Variants in KIF5B observed in about 807,000 individuals in gnomAD.
KIF5B encodes the protein kinesin family member 5B.
Under a neutral mutation model 132.8 loss-of-function variants are expected in KIF5B, and 49 were observed. The observed-to-expected ratio is 0.37, with a 90% confidence interval of 0.29 to 0.47. The LOEUF (loss-of-function observed/expected upper bound fraction) is 0.47, where lower values mean the gene tolerates loss of function less well. Among genes scored for constraint, KIF5B ranks in the 20% least tolerant of loss-of-function variants. The pLI, the probability that KIF5B is intolerant of heterozygous loss-of-function variation, is 1.00. For missense variants in KIF5B, 780 were observed against 1,144.0 expected (o/e 0.68, Z 4.59); for synonymous variants, 355 against 369.4 (o/e 0.96, Z 0.45).
At chr10:32,012,096 A>C (rs555767285) in intron 25 of KIF5B, among the ~76,000 whole-genome samples, 69 of 152,332 alleles carry the variant, frequency 4.5e-4, no homozygotes, top group Admixed American at 1.3e-3. Flanking sequence ...GTCATGTAAA[A>C]CTGGGAACTA....
intron 2 of KIF5B, among the ~76,000 whole-genome samples, chr10:32,040,797 G>T (rs1029414751): frequency 1.3e-5 from 2 of 151,954 alleles, no homozygotes; most frequent in Admixed American, 6.6e-5. Flanking sequence ...TTCAAGCCTG[G>T]TCAGCATGGT....
Position 32,035,629 on chromosome 10 carries a change from G to A in KIF5B, c.855C>T (p.Ile285=), listed in dbSNP as rs755754639. 7 of 1,612,534 alleles carry A rather than the reference G, an allele frequency of 4.3e-6. No homozygotes were observed. Among genetic ancestry groups the A allele is most frequent in the Non-Finnish European group, 5.9e-6 (7 of 1,179,200 alleles). The change falls in exon 10 of 26, where the codon ATC becomes ATT. Residue 285 remains isoleucine (I), a synonymous_variant. Coordinates refer to ENST00000302418, the MANE Select transcript of KIF5B (RefSeq NM_004521.3). ...AGTTGCCACCTAATGAATCTTGAAG[G>A]ATTCTTGTCATTTTACTATCTCGAT... ...VPYRDSKMTR[I]LQDSLGGNCR...
rs917775759 is a variant in KIF5B, at chr10:32,022,759, GAC to G, written c.1914+87_1914+88del. ...AAAAAACAACTAAATTTCACCTATA[GAC>G]ACACATTTTTCTGAAAACTTGTATA... On this transcript the variant is annotated intron_variant, in intron 16 of 25. Transcript: ENST00000302418. 18 of 925,598 alleles carry G rather than the reference GAC, an allele frequency of 1.9e-5. No homozygotes were observed. The African/African-American group carries it at 2.3e-4, about 12-fold the overall frequency. 57.3% of individuals were successfully genotyped at this position (925,598 alleles called of 1,614,324 possible).
At position 32,032,784 on chromosome 10, in the gene KIF5B, T is replaced by C; in HGVS notation, c.1306-10A>G. ...GGTTAATTTCTTCATCCTAGAATTG[T>C]GAAGTATCCGGTTAACCAGTAGCTA... On this transcript the variant is annotated splice_polypyrimidine_tract_variant and intron_variant, in intron 12 of 25. Coordinates refer to ENST00000302418, the MANE Select transcript of KIF5B (RefSeq NM_004521.3). The C allele has an allele frequency of 6.2e-7, 1 of 1,611,980 alleles. No homozygotes were observed. The highest frequency in any genetic ancestry group is 8.5e-7 in the Non-Finnish European group (1 of 1,178,026).
chr10:32,043,985 A>G (rs1414634308), intron 2 of KIF5B, among the ~76,000 whole-genome samples: 1 of 152,164 alleles, frequency 6.6e-6, no homozygotes, highest in Admixed American at 6.5e-5. Flanking sequence ...GATTGTCCCA[A>G]GTACAACCTA....
At chr10:32,052,722 A>C (rs1231838515) in intron 1 of KIF5B, among the ~76,000 whole-genome samples, 1 of 152,232 alleles carries the variant, frequency 6.6e-6, no homozygotes, top group Non-Finnish European at 1.5e-5. Flanking sequence ...TCTCTAATTT[A>C]AAGCAAATAG....
intron 15 of KIF5B, 131 bp downstream of exon 15, chr10:32,028,297 T>C (rs1169376917): frequency 4.4e-6 from 3 of 677,936 alleles, no homozygotes; most frequent in Non-Finnish European, 7.2e-6. Context: ...ATGCGGTTAA[T>C]AACATCTACT....
chr10:32,020,541 C>T (rs895406124), intron 19 of KIF5B, among the ~76,000 whole-genome samples: 3 of 152,066 alleles, frequency 2.0e-5, no homozygotes, highest in Non-Finnish European at 4.4e-5. Flanking sequence ...GTGCCACAGC[C>T]TCCTGGGTCA....
intron 2 of KIF5B, among the ~76,000 whole-genome samples, chr10:32,043,571 C>A (rs1223273043): frequency 6.6e-6 from 1 of 152,164 alleles, no homozygotes; most frequent in South Asian, 2.1e-4. Context: ...GTGGAAAAAA[C>A]AGGAAATCTA....
At chr10:32,054,280 T>A (rs375005460) in intron 1 of KIF5B, among the ~76,000 whole-genome samples, 89 of 152,308 alleles carry the variant, frequency 5.8e-4, no homozygotes, top group African/African-American at 2.1e-3. Context: ...AAATATACCA[T>A]CCCAAAGGAA....
Position 32,015,646 on chromosome 10 carries a change from A to G in KIF5B, c.2775T>C (p.Arg925=), listed in dbSNP as rs745764054. The G allele has an allele frequency of 6.2e-7, 1 of 1,612,462 alleles. No individual in the cohort carries two copies. Among genetic ancestry groups the G allele is most frequent in the Non-Finnish European group, 8.5e-7 (1 of 1,179,200 alleles). The change falls in exon 25 of 26, where the codon CGT becomes CGC. Residue 925 remains arginine, a synonymous_variant. Transcript: ENST00000302418. The part of the protein sequence containing the change: ...GHSAQIAKPI[R]PGQHPAASPT... ...GAGAAGCTGCTGGATGTTGCCCGGG[A>G]CGAATAGGTTTAGCTAATATGAAAA...
intron 20 of KIF5B, among the ~76,000 whole-genome samples, chr10:32,018,986 G>A (rs1439463935): frequency 6.8e-6 from 1 of 147,058 alleles, no homozygotes; most frequent in African/African-American, 2.5e-5. Flanking sequence ...GTGAGCCACT[G>A]CAGCTTTGCA....
chr10:32,027,584 T>C (rs1358470811), intron 15 of KIF5B, among the ~76,000 whole-genome samples: 1 of 151,894 alleles, frequency 6.6e-6, no homozygotes, highest in Non-Finnish European at 1.5e-5. Context: ...CACAAGCCCA[T>C]TCATTATAAA....
At position 32,034,045 on chromosome 10, in the gene KIF5B, T is replaced by C; in HGVS notation, c.1112-7A>G. The C allele has an allele frequency of 2.6e-6, 4 of 1,524,532 alleles. No individual in the cohort carries two copies. The highest frequency in any genetic ancestry group is 2.6e-5 in the South Asian group (2 of 77,264). The allele number at this position is 1,524,532 out of a possible 1,614,324, so 94.4% of individuals were successfully genotyped here. A position where few individuals can be genotyped will look rare whatever the true frequency, so the allele number is the denominator to read the frequency against. The stretch of plus-strand genomic sequence containing the variant: ...TCAATAGGCACCGTCTCCCCTAAAA[T>C]AAGAAAATAAAGTGGTTAATAAAAA... On this transcript the variant is annotated splice_region_variant and splice_polypyrimidine_tract_variant and intron_variant, in intron 11 of 25. Transcript: ENST00000302418.
intron 25 of KIF5B, among the ~76,000 whole-genome samples, chr10:32,012,220 C>G (rs1175305050): frequency 1.3e-5 from 2 of 152,182 alleles, no homozygotes; most frequent in African/African-American, 4.8e-5. Flanking sequence ...CACCTGTAAT[C>G]TGAGCACTTT....
chr10:32,046,639 A>G (rs1841613858), intron 2 of KIF5B, among the ~76,000 whole-genome samples: 1 of 152,028 alleles, frequency 6.6e-6, no homozygotes, highest in Non-Finnish European at 1.5e-5. Context: ...GCTGGTCTCA[A>G]ACTCCTGGCC....
rs761145619 is a variant in KIF5B, at chr10:32,034,811, A to G, written c.990T>C (p.Cys330=). The G allele has an allele frequency of 3.1e-6, 5 of 1,600,036 alleles. No homozygotes were observed. The South Asian group carries it at 5.7e-5, about 18-fold the overall frequency. The change falls in exon 11 of 26, where the codon TGT becomes TGC. Residue 330 remains cysteine, a synonymous_variant. Transcript: ENST00000302418. ...GTTCTGCAGTTAACTCCACATTGACACAAACTGTGTTCTTAATTGTTTTGG... is the reference window on the plus strand; with the variant it reads ...GTTCTGCAGTTAACTCCACATTGACGCAAACTGTGTTCTTAATTGTTTTGG... The part of the protein sequence containing the change: ...QRAKTIKNTV[C]VNVELTAEQW...
Position 32,020,875 on chromosome 10 carries a change from A to G in KIF5B, c.2204+147T>C, listed in dbSNP as rs1034503075. The G allele has an allele frequency of 9.2e-6, 5 of 544,658 alleles. No homozygotes were observed. In the Admixed American group the frequency reaches 1.4e-4, roughly 16 times the overall value. 33.7% of individuals were successfully genotyped at this position (544,658 alleles called of 1,614,324 possible). A position where few individuals can be genotyped will look rare whatever the true frequency, so the allele number is the denominator to read the frequency against. On this transcript the variant is annotated intron_variant, in intron 19 of 25. Coordinates refer to ENST00000302418, the MANE Select transcript of KIF5B (RefSeq NM_004521.3). ...GCCTCAAAAATTTCACCTGGAATTT[A>G]GAAGTTTTACTCATAAATGAGAAAA...
At chr10:32,018,861 G>A (rs1841218373) in intron 20 of KIF5B, among the ~76,000 whole-genome samples, 1 of 151,844 alleles carries the variant, frequency 6.6e-6, no homozygotes, top group Non-Finnish European at 1.5e-5. Context: ...AATCAGCCCT[G>A]TCTAAAAAAA....
Sources: allele counts gnomAD v4.1 joint callset (sites outside exome capture counted in the v4.1 genomes callset), GRCh38; gene constraint gnomAD v4.1.1; transcripts MANE v1.5; gene names NCBI Gene and HGNC (gene_info 2026-07-23, HGNC 2026-07-21).